The following SNTG1 variants were observed in gnomAD, a reference collection of about 807,000 sequenced individuals.
The protein encoded by SNTG1 is syntrophin gamma 1.
In SNTG1, 39 loss-of-function variants were observed where a neutral mutation model predicts 74.7. That is an observed-to-expected ratio of 0.52 (90% CI 0.40 to 0.68). SNTG1 has a LOEUF of 0.68. SNTG1 is among the 30% of genes least tolerant of loss of function. The pLI, the probability that SNTG1 is intolerant of heterozygous loss-of-function variation, is 0.00. For missense variants in SNTG1, 685 were observed against 609.5 expected, an observed-to-expected ratio of 1.12 and a Z score of -1.30; for synonymous variants, 254 against 217.1, an observed-to-expected ratio of 1.17 and a Z score of -1.49.
intron 2 of SNTG1, among the ~76,000 whole-genome samples, chr8:50,206,403 T>C (rs2084239933): frequency 6.6e-6 from 1 of 152,206 alleles, no homozygotes; most frequent in Non-Finnish European, 1.5e-5. Flanking sequence ...GCTTGTGATT[T>C]TTGAACATTG....
chr8:50,002,719 G>A (rs1336070687), intron 1 of SNTG1, among the ~76,000 whole-genome samples: 1 of 152,000 alleles, frequency 6.6e-6, no homozygotes, highest in Non-Finnish European at 1.5e-5. Flanking sequence ...GTTACCCTAT[G>A]ATGATATGAC....
intron 12 of SNTG1, among the ~76,000 whole-genome samples, chr8:50,564,754 T>C (rs537523559): frequency 4.6e-5 from 7 of 152,252 alleles, no homozygotes; most frequent in African/African-American, 1.7e-4. Flanking sequence ...AACAGAAGGC[T>C]AGTTTTTGCC....
intron 1 of SNTG1, among the ~76,000 whole-genome samples, chr8:50,099,344 C>T (rs1409193553): frequency 2.0e-5 from 3 of 152,090 alleles, no homozygotes; most frequent in Non-Finnish European, 1.5e-5. Context: ...GATACACAAA[C>T]AAGACAGAAA....
intron 2 of SNTG1, among the ~76,000 whole-genome samples, chr8:50,309,121 C>T (rs1203535580): frequency 6.6e-6 from 1 of 151,814 alleles, no homozygotes; most frequent in Non-Finnish European, 1.5e-5. Context: ...CATTCATAGC[C>T]CTTTACTGAA....
At chr8:50,166,278 A>C (rs1440401378) in intron 1 of SNTG1, among the ~76,000 whole-genome samples, 1 of 1,174 alleles carries the variant, frequency 8.5e-4, no homozygotes, top group Admixed American at 6.9e-3. Flanking sequence ...AATGGGATCT[A>C]ATTAAACTAA....
chr8:49,927,904 C>G (rs921864688), intron 1 of SNTG1, among the ~76,000 whole-genome samples: 1 of 151,866 alleles, frequency 6.6e-6, no homozygotes, highest in Admixed American at 6.6e-5. Context: ...ATCACAAGGT[C>G]AGGAGTTCAA....
rs1259354533 is a variant in SNTG1 at position 50,452,730 on chromosome 8, C to T, written c.363+2001C>T. 3.9e-5 allele frequency among the ~76,000 whole-genome samples: 6 copies of T among 152,122 alleles called. No individual in the cohort carries two copies. The South Asian group carries it at 6.2e-4, about 16-fold the overall frequency. On this transcript the variant is annotated intron_variant, in intron 8 of 18. Transcript: ENST00000642720. Reference sequence around the variant, plus strand: ...TTTTTTTCTGAGAAGCTTAACTCTACCAGCTTTGAAATATGAGTACTAATA... The same window carrying T: ...TTTTTTTCTGAGAAGCTTAACTCTATCAGCTTTGAAATATGAGTACTAATA...
chr8:50,234,659 A>G (rs1335861136), intron 2 of SNTG1, among the ~76,000 whole-genome samples: 1 of 152,080 alleles, frequency 6.6e-6, no homozygotes, highest in Admixed American at 6.5e-5. Flanking sequence ...AAAAGTCAAA[A>G]TAACAAATTA....
intron 17 of SNTG1, among the ~76,000 whole-genome samples, chr8:50,732,027 C>T (rs1315255785): frequency 6.6e-6 from 1 of 151,854 alleles, no homozygotes; most frequent in Non-Finnish European, 1.5e-5. Context: ...TCTTTATATC[C>T]ATCTTTGGGG....
chr8:50,543,336 C>A (rs2094362029), intron 11 of SNTG1, among the ~76,000 whole-genome samples: 1 of 152,108 alleles, frequency 6.6e-6, no homozygotes, highest in South Asian at 2.1e-4. Context: ...GAAGAGACTG[C>A]CCTTTCTCCA....
In SNTG1 at chr8:50,572,275, T is replaced by TAG. The variant is rs71235308; in HGVS notation, c.811-18585_811-18584dup. On this transcript the variant is annotated intron_variant, in intron 12 of 18. Coordinates refer to ENST00000642720, the MANE Select transcript of SNTG1 (RefSeq NM_018967.5). ...CACCTATTTTATATATATATATATA[T>TAG]AGAGAGAGAGAGAGAGAGAGTCATT... Among the ~76,000 whole-genome samples the TAG allele has an allele frequency of 9.1e-3, 1,354 of 148,348 alleles. 7 individuals are homozygous for TAG. Among genetic ancestry groups the TAG allele is most frequent in the Middle Eastern group, 0.037 (10 of 270 alleles).
intron 2 of SNTG1, among the ~76,000 whole-genome samples, chr8:50,206,228 T>A (rs2084229841): frequency 6.6e-6 from 1 of 152,192 alleles, no homozygotes; most frequent in Non-Finnish European, 1.5e-5. Context: ...TTTGTTTGTG[T>A]CCTCTTTTAT....
intron 1 of SNTG1, among the ~76,000 whole-genome samples, chr8:50,113,030 G>GCCT (rs946460997): frequency 3.3e-4 from 50 of 152,106 alleles, no homozygotes; most frequent in African/African-American, 1.1e-3. Context: ...GTAGCATGAT[G>GCCT]CCTCCAGCTT....
At chr8:50,759,673 A>C (rs988121882) in intron 18 of SNTG1, among the ~76,000 whole-genome samples, 1 of 151,726 alleles carries the variant, frequency 6.6e-6, no homozygotes, top group South Asian at 2.1e-4. Context: ...ATATATATAT[A>C]TTGGTACCAT....
intron 9 of SNTG1, among the ~76,000 whole-genome samples, chr8:50,528,891 T>C (rs1218798996): frequency 1.3e-5 from 2 of 151,670 alleles, no homozygotes; most frequent in Admixed American, 1.3e-4. Context: ...TATTATTTTC[T>C]CTTTTCTATT....
In SNTG1 at chr8:50,794,441, A is replaced by C. The variant is rs1585814763; in HGVS notation, c.*1612A>C. ...GGGAAAATGTTAAACTGAATCTAACATACCTTACCCAAAGAACTGTGGCAA... is the reference window on the plus strand; with the variant it reads ...GGGAAAATGTTAAACTGAATCTAACCTACCTTACCCAAAGAACTGTGGCAA... On this transcript the variant is annotated 3_prime_UTR_variant, in exon 19 of 19. Transcript: ENST00000642720. 6.6e-6 allele frequency: 1 copy of C among 152,036 alleles called. No individual in the cohort carries two copies. The highest frequency in any genetic ancestry group is 2.1e-4 in the South Asian group (1 of 4,832). 9.4% of individuals were successfully genotyped at this position (152,036 alleles called of 1,614,324 possible).
At chr8:50,587,581 T>C (rs1038748505) in intron 12 of SNTG1, among the ~76,000 whole-genome samples, 1 of 152,146 alleles carries the variant, frequency 6.6e-6, no homozygotes, top group African/African-American at 2.4e-5. Flanking sequence ...TCCCACCATT[T>C]TGGGTGGCCG....
chr8:50,280,435 G>A (rs1192773691), intron 2 of SNTG1, among the ~76,000 whole-genome samples: 4 of 152,132 alleles, frequency 2.6e-5, no homozygotes, highest in African/African-American at 7.2e-5. Flanking sequence ...AACAAAAACA[G>A]AATTAAACTC....
chr8:50,737,296 C>A (rs1243611866), intron 17 of SNTG1, among the ~76,000 whole-genome samples: 1 of 152,060 alleles, frequency 6.6e-6, no homozygotes, highest in African/African-American at 2.4e-5. Context: ...TTCAAATAAA[C>A]CAGAAAATGT....
Sources: gnomAD v4.1 joint callset for allele counts (sites outside exome capture counted in the v4.1 genomes callset) on GRCh38, gnomAD v4.1.1 for gene constraint, MANE v1.5 for transcripts, NCBI Gene and HGNC (gene_info 2026-07-23, HGNC 2026-07-21) for gene names.